Variants in MAP4K4 observed in about 807,000 individuals in gnomAD.
MAP4K4 encodes HPK/GCK-like kinase HGK.
Under a neutral mutation model 189.6 loss-of-function variants are expected in MAP4K4, and 38 were observed. That is an observed-to-expected ratio of 0.20 (90% CI 0.15 to 0.26). The LOEUF is 0.26. Ranked by LOEUF, MAP4K4 falls within the 10% of genes least tolerant of loss-of-function variation. MAP4K4 has a pLI of 1.00. For synonymous variants in MAP4K4, 610 were observed against 624.3 expected, an observed-to-expected ratio of 0.98 and a Z score of 0.34; for missense variants, 1,054 against 1,726.9, an observed-to-expected ratio of 0.61 and a Z score of 6.91.
chr2:101,706,652 A>ATTTT, intron 2 of MAP4K4, among the ~76,000 whole-genome samples: 1 of 152,164 alleles, frequency 6.6e-6, no homozygotes, highest in Middle Eastern at 3.4e-3. Context: ...GTTGATTTCA[A>ATTTT]TTTTTTCTCC....
intron 7 of MAP4K4, among the ~76,000 whole-genome samples, chr2:101,832,128 C>G (rs1430581234): frequency 6.6e-6 from 1 of 152,156 alleles, no homozygotes; most frequent in East Asian, 1.9e-4. Flanking sequence ...TTCCTATTTG[C>G]TATCCATTTT....
At chr2:101,874,125 A>G (rs1194927279) in exon 26 of MAP4K4, 2 of 1,613,850 alleles carry the variant, frequency 1.2e-6, no homozygotes, top group South Asian at 1.1e-5. Flanking sequence ...CCATAAGGCA[A>G]GATCCTACCC....
intron 2 of MAP4K4, among the ~76,000 whole-genome samples, chr2:101,759,569 CCCTCCTCTCTCCCCTCCCCATTCA>C (rs2074998968): frequency 3.2e-5 from 1 of 31,526 alleles, no homozygotes; most frequent in Non-Finnish European, 5.5e-5. Flanking sequence ...CTCCCCATTC[CCCTCCTCTCTCCCCTCCCCATTCA>C]CCTCCCCATT....
At chr2:101,712,185 T>C (rs925986788) in intron 2 of MAP4K4, among the ~76,000 whole-genome samples, 16 of 151,908 alleles carry the variant, frequency 1.1e-4, no homozygotes, top group Non-Finnish European at 2.9e-5. Context: ...TTCACTTTTA[T>C]TTATTATTTA....
chr2:101,700,553 C>G (rs1412446540), intron 2 of MAP4K4, among the ~76,000 whole-genome samples: 2 of 152,194 alleles, frequency 1.3e-5, no homozygotes, highest in Non-Finnish European at 1.5e-5. Flanking sequence ...TGGAAAATTT[C>G]AAACATAAAG....
intron 2 of MAP4K4, among the ~76,000 whole-genome samples, chr2:101,741,299 C>G (rs2062712615): frequency 6.6e-6 from 1 of 151,606 alleles, no homozygotes; most frequent in Non-Finnish European, 1.5e-5. Flanking sequence ...TCCCGAGTAG[C>G]TGGGACTACA....
intron 2 of MAP4K4, among the ~76,000 whole-genome samples, chr2:101,765,413 A>T (rs1381180501): frequency 6.6e-6 from 1 of 152,128 alleles, no homozygotes; most frequent in Non-Finnish European, 1.5e-5. Context: ...CTCTGCAGCC[A>T]CCATCTCCCG....
At chr2:101,859,206 T>A in intron 14 of MAP4K4, 124 bp downstream of exon 14, 1 of 711,098 alleles carries the variant, frequency 1.4e-6, no homozygotes, top group Non-Finnish European at 2.4e-6. Flanking sequence ...GCTGAAATAG[T>A]GATGCCCATT....
intron 32 of MAP4K4, 77 bp downstream of exon 32, chr2:101,889,012 T>G: frequency 7.9e-7 from 1 of 1,261,424 alleles, no homozygotes; most frequent in Non-Finnish European, 1.1e-6. Flanking sequence ...GTTTGATGAT[T>G]AATTTCCTTG....
rs570050695 is a variant in MAP4K4, at chr2:101,730,830, G to A, written c.123+32292G>A. ...TGGGAGGCCGAGGCAGGCGGATCAT[G>A]AGATCAGGAGATCAAGACCATCCTG... On this transcript the variant is annotated intron_variant, in intron 2 of 32. Coordinates refer to ENST00000324219, the Ensembl canonical transcript of MAP4K4. Among the ~76,000 whole-genome samples, 5 of 152,014 alleles carry A rather than the reference G, an allele frequency of 3.3e-5. No individual in the cohort carries two copies. The East Asian group carries it at 9.8e-4, about 30-fold the overall frequency.
At chr2:101,893,911 G>A (rs1002169988) in exon 33 of MAP4K4, 5 of 152,350 alleles carry the variant, frequency 3.3e-5, no homozygotes, top group African/African-American at 1.2e-4. Flanking sequence ...TTAAGTTACT[G>A]AAATTGGAAC....
At chr2:101,874,101 G>A (rs774074290) in exon 26 of MAP4K4, 1 of 1,613,544 alleles carries the variant, frequency 6.2e-7, no homozygotes, top group Non-Finnish European at 8.5e-7. Flanking sequence ...CCTGTGATGG[G>A]ATGAGACCAG....
chr2:101,842,754 A>G (rs2096958721), intron 11 of MAP4K4, 73 bp downstream of exon 11: 1 of 1,130,828 alleles, frequency 8.8e-7, no homozygotes, highest in East Asian at 2.5e-5. Flanking sequence ...AGGACTGCAG[A>G]AGACTCCTGT....
exon 24 of MAP4K4, chr2:101,871,585 A>G: frequency 6.5e-7 from 1 of 1,536,288 alleles, no homozygotes; most frequent in African/African-American, 1.4e-5. Context: ...CAGCAAAGCC[A>G]TTCCTCCTCC....
intron 12 of MAP4K4, among the ~76,000 whole-genome samples, chr2:101,846,615 A>G (rs2097118093): frequency 1.3e-5 from 2 of 152,212 alleles, no homozygotes. Flanking sequence ...TTTTAAAGTC[A>G]TTTTGTTTTA....
chr2:101,854,253 G>A (rs775370583), intron 12 of MAP4K4, among the ~76,000 whole-genome samples: 13 of 152,120 alleles, frequency 8.5e-5, no homozygotes, highest in African/African-American at 2.4e-4. Flanking sequence ...ATAGAAACCC[G>A]GTGGAACAAA....
chr2:101,779,809 C>G (rs989243575), intron 2 of MAP4K4, among the ~76,000 whole-genome samples: 4 of 143,732 alleles, frequency 2.8e-5, no homozygotes, highest in African/African-American at 1.0e-4. Flanking sequence ...TTTCACCTCT[C>G]TTTTTTTTTT....
At chr2:101,828,324 G>T (rs2096454653) in intron 5 of MAP4K4, among the ~76,000 whole-genome samples, 1 of 152,238 alleles carries the variant, frequency 6.6e-6, no homozygotes, top group African/African-American at 2.4e-5. Context: ...TGGGAAGTTA[G>T]CTTTTGTGTC....
intron 3 of MAP4K4, among the ~76,000 whole-genome samples, chr2:101,804,809 C>T (rs1218588492): frequency 6.6e-6 from 1 of 151,982 alleles, no homozygotes; most frequent in Non-Finnish European, 1.5e-5. Flanking sequence ...GGGCCGGGTG[C>T]GGTGGCTTAC....
Sources: gnomAD v4.1 joint callset for allele counts (sites outside exome capture counted in the v4.1 genomes callset) on GRCh38, gnomAD v4.1.1 for gene constraint, MANE v1.5 for transcripts, NCBI Gene and HGNC (gene_info 2026-07-23, HGNC 2026-07-21) for gene names.